CACNG8: variants seen among roughly 807,000 people sequenced by gnomAD.
The protein encoded by CACNG8 is calcium voltage-gated channel auxiliary subunit gamma 8, also known as voltage-dependent calcium channel gamma-8 subunit.
In CACNG8, 5 loss-of-function variants were observed where a neutral mutation model predicts 26.9. That is an observed-to-expected ratio of 0.19 (90% CI 0.10 to 0.39). The LOEUF is 0.39. Ranked by LOEUF, CACNG8 falls within the 10% of genes least tolerant of loss-of-function variation. The probability of loss-of-function intolerance (pLI) is 1.00; values close to 1 mark genes in which losing one functional copy is unlikely to be tolerated. For synonymous variants in CACNG8, 321 were observed against 296.7 expected (o/e 1.08, Z -0.84); for missense variants, 473 against 609.4 (o/e 0.78, Z 2.36).
intron 1 of CACNG8, among the ~76,000 whole-genome samples, chr19:53,967,696 G>T (rs141023370): frequency 1.8e-4 from 28 of 152,196 alleles, no homozygotes; most frequent in African/African-American, 6.7e-4. Flanking sequence ...TTAGCCAGGC[G>T]TGGTGGCACG....
At chr19:53,974,549 C>T (rs2069319898) in intron 1 of CACNG8, among the ~76,000 whole-genome samples, 1 of 152,196 alleles carries the variant, frequency 6.6e-6, no homozygotes, top group African/African-American at 2.4e-5. Flanking sequence ...CCCATAGCCA[C>T]TGCACCATTT....
At chr19:53,963,804 CTTTTT>C (rs34483691) in intron 1 of CACNG8, among the ~76,000 whole-genome samples, 1 of 128,174 alleles carries the variant, frequency 7.8e-6, no homozygotes, top group Non-Finnish European at 1.6e-5. Flanking sequence ...TGCCTTTTCT[CTTTTT>C]TTTTTTTTTT....
At chr19:53,965,168 G>A (rs138361541) in intron 1 of CACNG8, among the ~76,000 whole-genome samples, 4 of 152,266 alleles carry the variant, frequency 2.6e-5, no homozygotes, top group Non-Finnish European at 5.9e-5. Context: ...TCACAGATGC[G>A]CTCTGTCTAG....
chr19:53,978,248 C>T lies in CACNG8; in HGVS notation c.367+19C>T, dbSNP rs2069341856. 1 of 1,603,558 alleles carries T rather than the reference C, an allele frequency of 6.2e-7. No homozygotes were observed. The highest frequency in any genetic ancestry group is 1.3e-5 in the African/African-American group (1 of 74,816). ...CTACTCCGTACGTGGGGGTCCGGGA[C>T]AGACGTGGGGAGTGGGTCAAATCGC... On this transcript the variant is annotated intron_variant, in intron 2 of 3. Transcript: ENST00000270458.
intron 3 of CACNG8, 89 bp from the exon 4 acceptor site, chr19:53,981,991 C>T: frequency 7.4e-7 from 1 of 1,346,582 alleles, no homozygotes; most frequent in Non-Finnish European, 9.5e-7. Flanking sequence ...CGCCTGGGCC[C>T]GCTGGCGCAG....
intron 1 of CACNG8, among the ~76,000 whole-genome samples, chr19:53,965,547 G>C (rs1323571260): frequency 6.6e-6 from 1 of 151,998 alleles, no homozygotes; most frequent in Non-Finnish European, 1.5e-5. Flanking sequence ...GTGGCATCTA[G>C]TAGGGATGTC....
chr19:53,967,030 T>C (rs1178238619), intron 1 of CACNG8, among the ~76,000 whole-genome samples: 1 of 152,152 alleles, frequency 6.6e-6, no homozygotes, highest in African/African-American at 2.4e-5. Flanking sequence ...GGTTGATATT[T>C]TGGGGTGGAT....
At position 53,983,473 on chromosome 19, in the gene CACNG8, C is replaced by A. The variant is rs923725441; in HGVS notation, c.*624C>A. On this transcript the variant is annotated 3_prime_UTR_variant, in exon 4 of 4. Coordinates refer to ENST00000270458, the MANE Select transcript of CACNG8 (RefSeq NM_031895.6). ...GAAAGGGCCTTCTCATTCATTCATT[C>A]ATTACCGGCAATTTATTTGTGCGCC... The A allele has an allele frequency of 6.6e-6, 1 of 152,176 alleles. No homozygotes were observed. The highest frequency in any genetic ancestry group is 2.4e-5 in the African/African-American group (1 of 41,426). The allele number at this position is 152,176 out of a possible 1,614,324, so 9.4% of individuals were successfully genotyped here.
chr19:53,969,340 A>G (rs2069288714), intron 1 of CACNG8, among the ~76,000 whole-genome samples: 1 of 152,046 alleles, frequency 6.6e-6, no homozygotes, highest in African/African-American at 2.4e-5. Context: ...GAAGAAGTGA[A>G]GCTCAGAGAG....
At chr19:53,963,462 C>T in intron 1 of CACNG8, 37 bp downstream of exon 1, 2 of 1,426,054 alleles carry the variant, frequency 1.4e-6, no homozygotes, top group Non-Finnish European at 1.8e-6. Context: ...GCCCCCGCCG[C>T]TCCCCTCCGA....
rs2069371160 is a variant in CACNG8 at position 53,981,967 on chromosome 19, C to T, written c.509-113C>T. On this transcript the variant is annotated intron_variant, in intron 3 of 3. Transcript: ENST00000270458. ...TAGACCACTCGGGGTGGGGCCTAGA[C>T]CGCCTGGGGGTGGCGCCTGGGCCCG... 2.5e-6 allele frequency: 3 copies of T among 1,220,572 alleles called. No homozygotes were observed. The Admixed American group carries it at 1.2e-4, about 48-fold the overall frequency. The allele number at this position is 1,220,572 out of a possible 1,614,324, so 75.6% of individuals were successfully genotyped here.
intron 3 of CACNG8, 151 bp downstream of exon 3, chr19:53,980,158 G>A (rs1426046927): frequency 3.7e-6 from 3 of 811,874 alleles, no homozygotes; most frequent in African/African-American, 1.8e-5. Context: ...ACCCCCGGGG[G>A]CCCGGAGCCT....
intron 1 of CACNG8, among the ~76,000 whole-genome samples, chr19:53,966,289 T>C (rs1461557006): frequency 6.6e-6 from 1 of 152,064 alleles, no homozygotes; most frequent in East Asian, 1.9e-4. Context: ...GGTTTTACCA[T>C]GTTGGCCAGG....
chr19:53,978,414 C>G (rs1183682968), intron 2 of CACNG8, among the ~76,000 whole-genome samples, 185 bp downstream of exon 2: 1 of 152,126 alleles, frequency 6.6e-6, no homozygotes, highest in Admixed American at 6.5e-5. Context: ...TGACTGATCT[C>G]GTTCCCGCCC....
In CACNG8 at chr19:53,982,415, G is replaced by A. The variant is rs779261418; in HGVS notation, c.844G>A (p.Glu282Lys). 2.0e-6 allele frequency: 3 copies of A among 1,521,316 alleles called. No homozygotes were observed. Among genetic ancestry groups the A allele is most frequent in the Non-Finnish European group, 2.6e-6 (3 of 1,141,110 alleles). 94.2% of individuals were successfully genotyped at this position (1,521,316 alleles called of 1,614,324 possible). The stretch of plus-strand genomic sequence containing the variant: ...CTCCCGCTCTAGCTCCCGCTCCAGC[G>A]AGCCGTCGCCGTCGCGGGACGCGTC... Residue 282 changes from glutamate to lysine, a missense_variant, in exon 4 of 4, where the codon GAG becomes AAG. By Grantham distance (56) the Glu-to-Lys change is moderately conservative. Transcript: ENST00000270458. This position sits in a 1 kb window ranked among gnomAD's most constrained non-coding sequence, Gnocchi z 8.4.
In CACNG8 at chr19:53,988,615, TA is replaced by T. The variant is rs5828564; in HGVS notation, c.*5781del. On this transcript the variant is annotated 3_prime_UTR_variant, in exon 4 of 4. Coordinates refer to ENST00000270458, the MANE Select transcript of CACNG8 (RefSeq NM_031895.6). ...ACTCTGTCTCAAAAAAGAAAAAAGG[TA>T]AAAAAAAAAAAAAATGACCCTGAAA... is the stretch of plus-strand genomic sequence containing the variant. The T allele has an allele frequency of 0.091, 12,165 of 133,982 alleles. 747 individuals are homozygous for T. The highest frequency in any genetic ancestry group is 0.2 in the African/African-American group (7,259 of 36,290). The allele number at this position is 133,982 out of a possible 1,614,324, so 8.3% of individuals were successfully genotyped here.
At chr19:53,965,780 G>A (rs923403130) in intron 1 of CACNG8, among the ~76,000 whole-genome samples, 4 of 152,024 alleles carry the variant, frequency 2.6e-5, no homozygotes, top group South Asian at 2.1e-4. Flanking sequence ...CAAGGAGTTG[G>A]GGGAGGGGAT....
At position 53,979,913 on chromosome 19, in the gene CACNG8, G is replaced by T; in HGVS notation, c.414G>T (p.Leu138=). The change falls in exon 3 of 4, where the codon CTG becomes CTT. Residue 138 remains leucine, a synonymous_variant. Transcript: ENST00000270458. ...TCTTCCCCATCCTTAGCGCCATCCT[G>T]CTGCTGCTCGGGGGTGTGTGCGTGG... 1 of 1,611,270 alleles carries T rather than the reference G, an allele frequency of 6.2e-7. No individual in the cohort carries two copies. Among genetic ancestry groups the T allele is most frequent in the Non-Finnish European group, 8.5e-7 (1 of 1,178,490 alleles).
intron 1 of CACNG8, among the ~76,000 whole-genome samples, chr19:53,968,383 C>T (rs1171115607): frequency 1.5e-5 from 2 of 133,790 alleles, no homozygotes; most frequent in Non-Finnish European, 3.3e-5. Context: ...TCAAAAAAAA[C>T]AAAAAAAAAA....
Sources: allele counts gnomAD v4.1 joint callset (sites outside exome capture counted in the v4.1 genomes callset), GRCh38; gene constraint gnomAD v4.1.1; non-coding constraint Gnocchi (gnomAD v3.1); transcripts MANE v1.5; gene names NCBI Gene and HGNC (gene_info 2026-07-23, HGNC 2026-07-21).